The following EZH2 variants were observed in gnomAD, a reference collection of about 807,000 sequenced individuals.
The protein encoded by EZH2 is enhancer of zeste 2 polycomb repressive complex 2 subunit.
In EZH2, 18 loss-of-function variants were observed where a neutral mutation model predicts 98.4. The ratio of observed to expected loss-of-function variants is 0.18; its 90% CI spans 0.13 to 0.27. EZH2 has a LOEUF of 0.27. EZH2 is among the 10% of genes least tolerant of loss of function. The pLI, the probability that EZH2 is intolerant of heterozygous loss-of-function variation, is 1.00. For missense variants in EZH2, 470 were observed against 935.1 expected, an observed-to-expected ratio of 0.50 and a Z score of 6.49; for synonymous variants, 338 against 312.3, an observed-to-expected ratio of 1.08 and a Z score of -0.87.
At chr7:148,880,773 T>G (rs1271351593) in intron 1 of EZH2, among the ~76,000 whole-genome samples, 1 of 152,244 alleles carries the variant, frequency 6.6e-6, no homozygotes, top group Non-Finnish European at 1.5e-5. Flanking sequence ...CCTTAATTCA[T>G]TCAACTATAT....
chr7:148,816,533 T>G, intron 12 of EZH2, 151 bp downstream of exon 12: 1 of 596,416 alleles, frequency 1.7e-6, no homozygotes, highest in South Asian at 2.2e-5. Flanking sequence ...CAATTCCCAG[T>G]GGAAATAAGA....
intron 8 of EZH2, among the ~76,000 whole-genome samples, chr7:148,822,313 C>A (rs948018186): frequency 6.6e-6 from 1 of 151,680 alleles, no homozygotes; most frequent in African/African-American, 2.4e-5. Context: ...AGTTTGAGAC[C>A]GGCCTGGCCA....
chr7:148,868,385 G>T (rs532385986), intron 1 of EZH2, among the ~76,000 whole-genome samples: 3 of 152,180 alleles, frequency 2.0e-5, no homozygotes, highest in African/African-American at 7.2e-5. Flanking sequence ...CACATTATAC[G>T]TGGCTGATGC....
At chr7:148,868,664 G>C (rs938822495) in intron 1 of EZH2, among the ~76,000 whole-genome samples, 4 of 152,160 alleles carry the variant, frequency 2.6e-5, no homozygotes, top group Non-Finnish European at 4.4e-5. Context: ...ATGAGTGGCT[G>C]ACATTAAGAA....
At chr7:148,810,713 A>AAT (rs1802792477) in intron 16 of EZH2, among the ~76,000 whole-genome samples, 1 of 152,154 alleles carries the variant, frequency 6.6e-6, no homozygotes, top group African/African-American at 2.4e-5. Flanking sequence ...TCACGCCTGT[A>AAT]ATCCCAGCAC....
intron 1 of EZH2, among the ~76,000 whole-genome samples, chr7:148,875,776 C>G (rs1820087155): frequency 6.6e-6 from 1 of 152,192 alleles, no homozygotes; most frequent in African/African-American, 2.4e-5. Flanking sequence ...GCAGCTTTAT[C>G]AACAGCTGAC....
chr7:148,855,265 T>A (rs1468497724), intron 1 of EZH2, among the ~76,000 whole-genome samples: 1 of 152,224 alleles, frequency 6.6e-6, no homozygotes, highest in Admixed American at 6.5e-5. Flanking sequence ...GGGCAAAGAA[T>A]TGGGGTAGCA....
At chr7:148,852,361 CCA>C (rs1486145267) in intron 1 of EZH2, among the ~76,000 whole-genome samples, 2 of 152,170 alleles carry the variant, frequency 1.3e-5, no homozygotes, top group Admixed American at 6.5e-5. Flanking sequence ...GTTGTTTTTG[CCA>C]CCCAGGGTCA....
intron 4 of EZH2, among the ~76,000 whole-genome samples, chr7:148,831,898 G>A (rs1335825420): frequency 4.6e-5 from 7 of 152,120 alleles, no homozygotes; most frequent in Admixed American, 2.6e-4. Context: ...AAGCTGCTGC[G>A]TCAGAGTTAG....
chr7:148,847,741 A>T (rs1193265064), intron 1 of EZH2, among the ~76,000 whole-genome samples: 2 of 152,230 alleles, frequency 1.3e-5, no homozygotes, highest in Non-Finnish European at 2.9e-5. Context: ...AGAAGAAGTA[A>T]AATTTACAAA....
intron 1 of EZH2, among the ~76,000 whole-genome samples, chr7:148,862,976 T>C (rs28706086): frequency 0.17 from 26,044 of 150,984 alleles, 2,391 homozygotes; most frequent in East Asian, 0.25. Context: ...AAATAGTTTC[T>C]GGGAGGTTGA....
At chr7:148,812,855 A>C (rs1584898665) in intron 15 of EZH2, among the ~76,000 whole-genome samples, 1 of 152,214 alleles carries the variant, frequency 6.6e-6, no homozygotes, top group East Asian at 1.9e-4. Flanking sequence ...AAAGCTAAAA[A>C]CAAAAAGCCC....
chr7:148,810,855 C>T (rs1016556657), intron 16 of EZH2, among the ~76,000 whole-genome samples: 2 of 135,576 alleles, frequency 1.5e-5, no homozygotes, highest in African/African-American at 5.7e-5. Flanking sequence ...AAAATCACGC[C>T]ATTGCACTCC....
intron 1 of EZH2, among the ~76,000 whole-genome samples, chr7:148,871,607 T>C (rs1297373269): frequency 2.0e-5 from 3 of 151,142 alleles, no homozygotes; most frequent in Non-Finnish European, 4.4e-5. Context: ...AGGGTCTTGT[T>C]CTGTTGCCCT....
chr7:148,873,866 A>AG (rs34473789), intron 1 of EZH2, among the ~76,000 whole-genome samples: 131,090 of 151,670 alleles, frequency 0.86, 57,049 homozygotes, highest in African/African-American at 0.96. Context: ...AGAGAGAAAA[A>AG]AAAAAAGATT....
chr7:148,820,562 AAAAG>A (rs1167705704), intron 8 of EZH2, among the ~76,000 whole-genome samples: 1 of 152,140 alleles, frequency 6.6e-6, no homozygotes, highest in Non-Finnish European at 1.5e-5. Context: ...AAAAAAAAAA[AAAAG>A]GACAAAGTTG....
intron 1 of EZH2, among the ~76,000 whole-genome samples, chr7:148,882,171 G>A (rs981662939): frequency 6.6e-6 from 1 of 152,002 alleles, no homozygotes; most frequent in African/African-American, 2.4e-5. Flanking sequence ...TGGAATGCCC[G>A]TACAGTGGTG....
chr7:148,881,917 G>C (rs1461708290), intron 1 of EZH2, among the ~76,000 whole-genome samples: 2 of 146,410 alleles, frequency 1.4e-5, no homozygotes, highest in African/African-American at 5.1e-5. Flanking sequence ...CTGGACGACA[G>C]AGCAAGGCTC....
intron 1 of EZH2, among the ~76,000 whole-genome samples, chr7:148,870,121 C>CAA (rs1337788064): frequency 1.3e-5 from 2 of 152,184 alleles, no homozygotes; most frequent in African/African-American, 4.8e-5. Context: ...TCCAAAGAGG[C>CAA]AAAATTACTT....
Sources: gnomAD v4.1 joint callset for allele counts (sites outside exome capture counted in the v4.1 genomes callset) on GRCh38, gnomAD v4.1.1 for gene constraint, MANE v1.5 for transcripts, NCBI Gene and HGNC (gene_info 2026-07-23, HGNC 2026-07-21) for gene names.